Variants in SEMA4B observed in about 807,000 individuals in gnomAD.
SEMA4B encodes semaphorin-4B.
SEMA4B carries 55 observed loss-of-function variants against 88.1 expected under a neutral mutation model. The ratio of observed to expected loss-of-function variants is 0.62; its 90% CI spans 0.50 to 0.78. SEMA4B has a LOEUF of 0.78. SEMA4B is among the 30% of genes least tolerant of loss of function. The pLI is 0.00. For missense variants in SEMA4B, 1,062 were observed against 1,111.9 expected (o/e 0.96, Z 0.64); for synonymous variants, 525 against 473.6 (o/e 1.11, Z -1.41).
At chr15:90,214,851 G>A (rs1260856439) in intron 1 of SEMA4B, 1 of 470,236 alleles carries the variant, frequency 2.1e-6, no homozygotes, top group Non-Finnish European at 3.5e-6. Flanking sequence ...TTTTTCTTCA[G>A]ATTTGGGTTT....
chr15:90,221,168 C>A, intron 5 of SEMA4B, 75 bp downstream of exon 5: 1 of 1,185,542 alleles, frequency 8.4e-7, no homozygotes, highest in Non-Finnish European at 1.2e-6. Flanking sequence ...TAGCTTTGGA[C>A]AGGCTGAGTC....
rs1961322309 is a variant in SEMA4B at position 90,212,578 on chromosome 15, C to T, written c.158-4861C>T. 1.3e-5 allele frequency among the ~76,000 whole-genome samples: 2 copies of T among 152,140 alleles called. No individual in the cohort carries two copies. Among genetic ancestry groups the T allele is most frequent in the African/African-American group, 4.8e-5 (2 of 41,430 alleles). ...CAGGAAGTAAAGTGCAGAAACACCT[C>T]CACCCCTGCACAAAGAGCACCTAGG... On this transcript the variant is annotated intron_variant, in intron 1 of 13. Transcript: ENST00000411539. This position sits in a 1 kb window ranked among gnomAD's most constrained non-coding sequence, Gnocchi z 4.0.
chr15:90,215,848 C>T (rs1248296233), intron 1 of SEMA4B, among the ~76,000 whole-genome samples: 3 of 151,984 alleles, frequency 2.0e-5, no homozygotes, highest in Admixed American at 6.6e-5. Flanking sequence ...GATACATGCA[C>T]GTATATATAT....
chr15:90,196,290 T>C (rs1216641505), intron 1 of SEMA4B, among the ~76,000 whole-genome samples: 1 of 152,118 alleles, frequency 6.6e-6, no homozygotes, highest in Non-Finnish European at 1.5e-5. Flanking sequence ...CCCATTACTA[T>C]GATGCTACTT....
rs780939217 is a variant in SEMA4B at position 90,223,978 on chromosome 15, G to C, written c.1184G>C (p.Arg395Pro). 1 of 1,612,594 alleles carries C rather than the reference G, an allele frequency of 6.2e-7. No homozygotes were observed. Among genetic ancestry groups the C allele is most frequent in the African/African-American group, 1.3e-5 (1 of 74,920 alleles). The change falls in exon 9 of 14, where the codon CGG becomes CCG. Residue 395 changes from arginine to proline, a missense_variant. Arg to Pro is a moderately radical substitution (Grantham distance 103). Transcript: ENST00000411539. Reference protein sequence around the residue: ...YTVTHPVPTPRPGACITNSAR... With the variant: ...YTVTHPVPTPPPGACITNSAR... ...GTGACCCACCCGGTGCCCACACCCC[G>C]GCCTGGAGCGGTGGGTACTGGCTCC...
rs544835549 is a variant in SEMA4B, at chr15:90,207,210, T to G, written c.157+5475T>G. Among the ~76,000 whole-genome samples the G allele has an allele frequency of 9.2e-5, 14 of 152,288 alleles. 1 individual carries two copies. In the East Asian group the frequency reaches 2.7e-3, roughly 29 times the overall value. Reference sequence around the variant, plus strand: ...CCCAGGCCTGTGATCTGACTTGTTGTGCATGGAAGCTCTATTCTGCACTCC... The same window carrying G: ...CCCAGGCCTGTGATCTGACTTGTTGGGCATGGAAGCTCTATTCTGCACTCC... On this transcript the variant is annotated intron_variant, in intron 1 of 13. Coordinates refer to ENST00000411539, the MANE Select transcript of SEMA4B (RefSeq NM_198925.4).
chr15:90,204,589 C>T (rs1032274032), intron 1 of SEMA4B, among the ~76,000 whole-genome samples: 4 of 152,152 alleles, frequency 2.6e-5, no homozygotes, highest in African/African-American at 9.7e-5. Context: ...TTTGGGTTCT[C>T]TTGCGTTGGA....
intron 1 of SEMA4B, among the ~76,000 whole-genome samples, chr15:90,202,492 G>GCCCTTCCCTCTCCTTTT (rs1555421663): frequency 6.6e-6 from 1 of 152,104 alleles, no homozygotes; most frequent in Non-Finnish European, 1.5e-5. Flanking sequence ...TCAGCCCTCC[G>GCCCTTCCCTCTCCTTTT]CCCTTCCCTC....
At position 90,201,429 on chromosome 15, in the gene SEMA4B, G is replaced by C. The variant is rs1960715757; in HGVS notation, c.-150G>C. 6 of 1,296,026 alleles carry C rather than the reference G, an allele frequency of 4.6e-6. No homozygotes were observed. The highest frequency in any genetic ancestry group is 5.9e-6 in the Non-Finnish European group (6 of 1,024,906). 80.3% of individuals were successfully genotyped at this position (1,296,026 alleles called of 1,614,324 possible). ...GGGCTGAGTTTGCCAGGGCCCACTT[G>C]ACCCTGTTTCCCACCTCCCGCCCCC... is the stretch of plus-strand genomic sequence containing the variant. On this transcript the variant is annotated 5_prime_UTR_variant, in exon 1 of 14. Transcript: ENST00000411539.
intron 1 of SEMA4B, 77 bp downstream of exon 1, chr15:90,201,812 T>C: frequency 7.5e-7 from 1 of 1,329,744 alleles, no homozygotes; most frequent in Non-Finnish European, 9.7e-7. Context: ...GAGGTGGCCG[T>C]GACAAAGGAC....
chr15:90,227,790 G>A (rs1414428841), intron 13 of SEMA4B, 114 bp from the exon 14 acceptor site: 2 of 1,519,088 alleles, frequency 1.3e-6, no homozygotes, highest in African/African-American at 1.4e-5. Context: ...CAGTCCCAGG[G>A]GTCCCCGGAG....
At chr15:90,219,990 G>A in intron 4 of SEMA4B, 99 bp downstream of exon 4, 1 of 886,484 alleles carries the variant, frequency 1.1e-6, no homozygotes, top group Non-Finnish European at 1.7e-6. Flanking sequence ...AGGAAAGGCA[G>A]GGCCCAGAGG....
At chr15:90,208,398 C>T (rs966666111) in intron 1 of SEMA4B, among the ~76,000 whole-genome samples, 4 of 152,140 alleles carry the variant, frequency 2.6e-5, no homozygotes, top group Non-Finnish European at 5.9e-5. Context: ...GTGTCTGGGG[C>T]CTAAGTCTTG....
At chr15:90,201,834 C>T in intron 1 of SEMA4B, 99 bp downstream of exon 1, 2 of 1,200,058 alleles carry the variant, frequency 1.7e-6, no homozygotes, top group Non-Finnish European at 2.2e-6. Context: ...AAGGAGGGGA[C>T]CTGTCGGAGG....
chr15:90,203,898 G>C (rs1257854628), intron 1 of SEMA4B, among the ~76,000 whole-genome samples: 1 of 152,184 alleles, frequency 6.6e-6, no homozygotes, highest in Non-Finnish European at 1.5e-5. Context: ...CTAGCTACCT[G>C]AACTTGTGAG....
At chr15:90,219,982 G>T (rs1215445651) in intron 4 of SEMA4B, 91 bp downstream of exon 4, 5 of 965,004 alleles carry the variant, frequency 5.2e-6, no homozygotes, top group Non-Finnish European at 7.7e-6. Context: ...GACCCCTGAG[G>T]AAAGGCAGGG....
At chr15:90,220,142 AG>A (rs986648182) in intron 4 of SEMA4B, 1 of 464,740 alleles carries the variant, frequency 2.2e-6, no homozygotes, top group African/African-American at 2.0e-5. Flanking sequence ...TGTGCCACCC[AG>A]GCCTTGCTGC....
At chr15:90,186,481 T>C (rs564786530) in intron 1 of SEMA4B, among the ~76,000 whole-genome samples, 1 of 151,752 alleles carries the variant, frequency 6.6e-6, no homozygotes, top group Non-Finnish European at 1.5e-5. Flanking sequence ...TAGCTGGGCA[T>C]GGTGGCGCAT....
At chr15:90,209,395 AT>A (rs66877610) in intron 1 of SEMA4B, among the ~76,000 whole-genome samples, 19,360 of 132,764 alleles carry the variant, frequency 0.15, 1,383 homozygotes, top group Admixed American at 0.22. Flanking sequence ...TACTAAAAAA[AT>A]ATATATATAT....
Sources: allele counts gnomAD v4.1 joint callset (sites outside exome capture counted in the v4.1 genomes callset), GRCh38; gene constraint gnomAD v4.1.1; non-coding constraint Gnocchi (gnomAD v3.1); transcripts MANE v1.5; gene names NCBI Gene and HGNC (gene_info 2026-07-23, HGNC 2026-07-21).